Variants in ATRNL1 observed in about 807,000 individuals in gnomAD.
ATRNL1 encodes the protein attractin like 1, also known as attractin-like protein 1.
In ATRNL1, 95 loss-of-function variants were observed where a neutral mutation model predicts 182.7. That is an observed-to-expected ratio of 0.52 (90% CI 0.44 to 0.62). The LOEUF (loss-of-function observed/expected upper bound fraction) is 0.62, where lower values mean the gene tolerates loss of function less well. Ranked by LOEUF, ATRNL1 falls within the 20% of genes least tolerant of loss-of-function variation. The pLI, the probability that ATRNL1 is intolerant of heterozygous loss-of-function variation, is 0.00. For synonymous variants in ATRNL1, 576 were observed against 568.3 expected, an observed-to-expected ratio of 1.01 and a Z score of -0.19; for missense variants, 1,471 against 1,679.5, an observed-to-expected ratio of 0.88 and a Z score of 2.17.
intron 27 of ATRNL1, among the ~76,000 whole-genome samples, chr10:115,793,911 G>A (rs1387477294): frequency 6.6e-6 from 1 of 152,084 alleles, no homozygotes; most frequent in Non-Finnish European, 1.5e-5. Flanking sequence ...TGAACTATGT[G>A]CATCCACTCT....
At position 115,238,201 on chromosome 10, in the gene ATRNL1, A is replaced by G. The variant is rs138441176; in HGVS notation, c.1533-3370A>G. ...TCTTTGACTTTGTTCTTCTTCTTCAATATTGTGCTGGCTATTTTAGGTCTT... is the reference window on the plus strand; with the variant it reads ...TCTTTGACTTTGTTCTTCTTCTTCAGTATTGTGCTGGCTATTTTAGGTCTT... On this transcript the variant is annotated intron_variant, in intron 9 of 28. Transcript: ENST00000355044. 4.6e-3 allele frequency among the ~76,000 whole-genome samples: 708 copies of G among 152,328 alleles called. 3 individuals are homozygous for G. The highest frequency in any genetic ancestry group is 0.016 in the African/African-American group (671 of 41,584).
intron 9 of ATRNL1, among the ~76,000 whole-genome samples, chr10:115,235,783 A>C (rs534524820): frequency 3.9e-5 from 6 of 152,172 alleles, no homozygotes; most frequent in African/African-American, 1.4e-4. Flanking sequence ...TTCCTTTTTA[A>C]ATTACTAAGT....
chr10:115,097,433 C>T (rs2085041187), intron 1 of ATRNL1, among the ~76,000 whole-genome samples: 1 of 152,180 alleles, frequency 6.6e-6, no homozygotes, highest in African/African-American at 2.4e-5. Flanking sequence ...CTGCAGTGAG[C>T]TGTAATCACG....
At chr10:115,891,972 T>C (rs782163282) in intron 28 of ATRNL1, among the ~76,000 whole-genome samples, 1 of 152,168 alleles carries the variant, frequency 6.6e-6, no homozygotes, top group African/African-American at 2.4e-5. Flanking sequence ...TCCTGAATGG[T>C]AGATGCAGGG....
At chr10:115,099,546 C>T (rs1234806239) in intron 1 of ATRNL1, among the ~76,000 whole-genome samples, 1 of 152,118 alleles carries the variant, frequency 6.6e-6, no homozygotes, top group Non-Finnish European at 1.5e-5. Context: ...TTTATGTTCC[C>T]ACCAGCAGTG....
intron 8 of ATRNL1, among the ~76,000 whole-genome samples, chr10:115,177,175 G>A (rs1554886893): frequency 6.6e-6 from 1 of 152,174 alleles, no homozygotes; most frequent in African/African-American, 2.4e-5. Context: ...GATGCCTCAA[G>A]TACAATCATT....
At chr10:115,615,638 C>T (rs957220662) in intron 26 of ATRNL1, among the ~76,000 whole-genome samples, 2 of 152,052 alleles carry the variant, frequency 1.3e-5, no homozygotes, top group African/African-American at 4.8e-5. Context: ...GTAGATTCCC[C>T]TATCAGTGCC....
intron 28 of ATRNL1, among the ~76,000 whole-genome samples, chr10:115,909,993 G>A (rs1952624943): frequency 6.6e-6 from 1 of 152,172 alleles, no homozygotes; most frequent in South Asian, 2.1e-4. Flanking sequence ...GTTGCAACCT[G>A]ATTTGGGGAG....
intron 26 of ATRNL1, among the ~76,000 whole-genome samples, chr10:115,567,485 T>G: frequency 6.6e-6 from 1 of 152,130 alleles, no homozygotes; most frequent in East Asian, 1.9e-4. Context: ...ATGCAGAAAT[T>G]TATATCAATT....
intron 19 of ATRNL1, among the ~76,000 whole-genome samples, chr10:115,336,007 G>A (rs1855463693): frequency 6.6e-6 from 1 of 152,038 alleles, no homozygotes; most frequent in Middle Eastern, 3.2e-3. Context: ...AGATGCATTG[G>A]CCCACATTTA....
intron 28 of ATRNL1, among the ~76,000 whole-genome samples, chr10:115,861,435 C>T (rs1951314399): frequency 6.6e-6 from 1 of 152,286 alleles, no homozygotes; most frequent in East Asian, 1.9e-4. Flanking sequence ...CAGAGTCCAA[C>T]TCTTAAGCTA....
At chr10:115,694,941 G>GCACA (rs10580753) in intron 26 of ATRNL1, among the ~76,000 whole-genome samples, 44 of 144,934 alleles carry the variant, frequency 3.0e-4, no homozygotes, top group Middle Eastern at 3.5e-3. Flanking sequence ...ATGCACACAC[G>GCACA]CACACACACA....
At chr10:115,916,422 G>A (rs1362622586) in intron 28 of ATRNL1, among the ~76,000 whole-genome samples, 2 of 152,144 alleles carry the variant, frequency 1.3e-5, no homozygotes, top group Admixed American at 1.3e-4. Context: ...AATAGTCTCG[G>A]TCTATTGGTC....
At chr10:115,215,620 G>A in intron 8 of ATRNL1, 77 bp from the exon 9 acceptor site, 1 of 1,088,084 alleles carries the variant, frequency 9.2e-7, no homozygotes, top group Non-Finnish European at 1.3e-6. Context: ...GAATTAACTT[G>A]TTGGTATTTT....
intron 9 of ATRNL1, among the ~76,000 whole-genome samples, chr10:115,234,439 C>G (rs1352596331): frequency 6.6e-6 from 1 of 151,618 alleles, no homozygotes; most frequent in Admixed American, 6.6e-5. Context: ...AATATATTTA[C>G]TAAAAAACAA....
chr10:115,401,297 TC>T (rs1338077924), intron 20 of ATRNL1, among the ~76,000 whole-genome samples: 1 of 152,096 alleles, frequency 6.6e-6, no homozygotes, highest in Non-Finnish European at 1.5e-5. Context: ...TTTTCCCTGT[TC>T]CTTAGTTCAT....
intron 24 of ATRNL1, among the ~76,000 whole-genome samples, chr10:115,502,807 G>T (rs1849910566): frequency 6.6e-6 from 1 of 152,070 alleles, no homozygotes; most frequent in Non-Finnish European, 1.5e-5. Context: ...ATGGGTTGAT[G>T]AGTGCAGCAA....
chr10:115,093,492 G>T lies in ATRNL1; in HGVS notation c.-259G>T, dbSNP rs1250310296. ...CCCCGCCTCCGGCCGGGTCCGGGAC[G>T]CCGCGGCTGTGGGGTCGGCCCGCTA... On this transcript the variant is annotated 5_prime_UTR_variant, in exon 1 of 29. Coordinates refer to ENST00000355044, the MANE Select transcript of ATRNL1 (RefSeq NM_207303.4). This position sits in a 1 kb window ranked among gnomAD's most constrained non-coding sequence, Gnocchi z 6.1. 4.8e-6 allele frequency: 3 copies of T among 630,914 alleles called. No homozygotes were observed. In the African/African-American group the frequency reaches 5.8e-5, roughly 12 times the overall value. The allele number at this position is 630,914 out of a possible 1,614,324, so 39.1% of individuals were successfully genotyped here.
At chr10:115,729,989 G>T (rs1357820099) in intron 27 of ATRNL1, among the ~76,000 whole-genome samples, 8 of 151,794 alleles carry the variant, frequency 5.3e-5, no homozygotes, top group African/African-American at 1.9e-4. Flanking sequence ...CAGCATGGTG[G>T]CTCACTCCTG....
Sources: allele counts gnomAD v4.1 joint callset (sites outside exome capture counted in the v4.1 genomes callset), GRCh38; gene constraint gnomAD v4.1.1; non-coding constraint Gnocchi (gnomAD v3.1); transcripts MANE v1.5; gene names NCBI Gene and HGNC (gene_info 2026-07-23, HGNC 2026-07-21).